Variants in ADGRL3 observed in about 807,000 individuals in gnomAD.
ADGRL3 encodes the protein calcium-independent alpha-latrotoxin receptor 3.
A neutral mutation model predicts 153.5 loss-of-function variants in ADGRL3; 62 were observed. That is an observed-to-expected ratio of 0.40 (90% CI 0.33 to 0.50). The LOEUF (loss-of-function observed/expected upper bound fraction) is 0.50. ADGRL3 is among the 20% of genes least tolerant of loss of function. The pLI, the probability that ADGRL3 is intolerant of heterozygous loss-of-function variation, is 0.47. For synonymous variants in ADGRL3, 710 were observed against 672.5 expected (o/e 1.06, Z -0.86); for missense variants, 1,641 against 1,859.4 (o/e 0.88, Z 2.16).
intron 1 of ADGRL3, among the ~76,000 whole-genome samples, chr4:61,286,772 G>T (rs753018350): frequency 6.6e-6 from 1 of 151,646 alleles, no homozygotes; most frequent in East Asian, 1.9e-4. Flanking sequence ...GCCCTAACGT[G>T]AATGACATGA....
At chr4:61,520,654 G>C (rs1039301045) in intron 4 of ADGRL3, among the ~76,000 whole-genome samples, 1 of 127,304 alleles carries the variant, frequency 7.9e-6, no homozygotes, top group Non-Finnish European at 1.7e-5. Flanking sequence ...ATAAACCTCT[G>C]TGTGTGTGTG....
At chr4:61,902,905 G>T (rs1159119139) in intron 11 of ADGRL3, among the ~76,000 whole-genome samples, 1 of 152,080 alleles carries the variant, frequency 6.6e-6, no homozygotes, top group Admixed American at 6.6e-5. Context: ...TCCATGGCTA[G>T]TATATAAGCT....
chr4:61,639,562 G>A (rs894615673), intron 5 of ADGRL3, among the ~76,000 whole-genome samples: 1 of 151,984 alleles, frequency 6.6e-6, no homozygotes, highest in Non-Finnish European at 1.5e-5. Flanking sequence ...AAATCTCTCT[G>A]GAAAATAGGT....
intron 9 of ADGRL3, among the ~76,000 whole-genome samples, chr4:61,836,267 A>C (rs777255513): frequency 9.2e-5 from 14 of 152,272 alleles, no homozygotes; most frequent in Non-Finnish European, 1.8e-4. Context: ...ATGATTTCTG[A>C]GAAAAACATT....
intron 6 of ADGRL3, among the ~76,000 whole-genome samples, chr4:61,684,294 T>C (rs1321973717): frequency 1.3e-5 from 2 of 152,148 alleles, no homozygotes; most frequent in Non-Finnish European, 2.9e-5. Flanking sequence ...CAGAGGTTTT[T>C]TTTGGCCAAA....
intron 3 of ADGRL3, among the ~76,000 whole-genome samples, chr4:61,506,437 A>T (rs963142569): frequency 6.6e-6 from 1 of 152,134 alleles, no homozygotes; most frequent in Non-Finnish European, 1.5e-5. Context: ...TTATGAGTCT[A>T]CACGTTTGTA....
In ADGRL3 at chr4:61,597,029, G is replaced by GT. The variant is rs909659875; in HGVS notation, c.473+9600dup. On this transcript the variant is annotated intron_variant, in intron 5 of 26. Coordinates refer to ENST00000683033, the MANE Select transcript of ADGRL3 (RefSeq NM_001387552.1). ...TTTCCAAATGGTAAAAGTGAAGTGTGTTTTTTTTTTTCATGCATAAGGGCT... is the reference window on the plus strand; with the variant it reads ...TTTCCAAATGGTAAAAGTGAAGTGTGTTTTTTTTTTTTCATGCATAAGGGCT... 2.6e-3 allele frequency among the ~76,000 whole-genome samples: 365 copies of GT among 139,920 alleles called. 3 individuals carry two copies. The highest frequency in any genetic ancestry group is 6.1e-3 in the African/African-American group (233 of 38,360). 91.8% of individuals were successfully genotyped at this position (139,920 alleles called of 152,430 possible).
intron 1 of ADGRL3, among the ~76,000 whole-genome samples, chr4:61,368,390 G>C (rs2096450611): frequency 6.6e-6 from 1 of 152,094 alleles, no homozygotes; most frequent in Admixed American, 6.5e-5. Flanking sequence ...AATCCATCTT[G>C]AATTGATTTT....
At chr4:61,903,826 G>A (rs1581389852) in intron 11 of ADGRL3, among the ~76,000 whole-genome samples, 1 of 151,854 alleles carries the variant, frequency 6.6e-6, no homozygotes, top group African/African-American at 2.4e-5. Context: ...AGGCTGAAGT[G>A]CTGTGGCATG....
intron 8 of ADGRL3, among the ~76,000 whole-genome samples, chr4:61,796,759 T>G (rs2097419681): frequency 6.6e-6 from 1 of 152,204 alleles, no homozygotes; most frequent in Admixed American, 6.5e-5. Flanking sequence ...ATTTACCAGA[T>G]ATGATCTTGA....
chr4:61,372,916 G>T (rs568228385), intron 1 of ADGRL3, among the ~76,000 whole-genome samples: 1 of 152,252 alleles, frequency 6.6e-6, no homozygotes, highest in Admixed American at 6.5e-5. Flanking sequence ...CCAGGTGCGG[G>T]ATATAATCTC....
chr4:61,416,775 G>A (rs1001222232), intron 2 of ADGRL3, among the ~76,000 whole-genome samples: 2 of 152,168 alleles, frequency 1.3e-5, no homozygotes, highest in African/African-American at 4.8e-5. Context: ...GGGGTGGGAT[G>A]AGGTGGTGGA....
chr4:61,818,402 T>A lies in ADGRL3; in HGVS notation c.1480+4513T>A, dbSNP rs78139605. ...TGTGACTTTGCAGGGCACAGCCCTTTATGAGCTGGCATTGAGCATCTGCAG... is the reference window on the plus strand; with the variant it reads ...TGTGACTTTGCAGGGCACAGCCCTTAATGAGCTGGCATTGAGCATCTGCAG... On this transcript the variant is annotated intron_variant, in intron 9 of 26. Transcript: ENST00000683033. Among the ~76,000 whole-genome samples the A allele has an allele frequency of 2.6e-3, 400 of 152,298 alleles. 1 individual carries two copies. The highest frequency in any genetic ancestry group is 4.2e-3 in the Non-Finnish European group (286 of 68,030).
intron 2 of ADGRL3, among the ~76,000 whole-genome samples, chr4:61,479,800 CTCTT>C (rs1353288899): frequency 7.9e-5 from 12 of 151,976 alleles, no homozygotes; most frequent in Non-Finnish European, 1.5e-4. Flanking sequence ...TGGGTTCTCT[CTCTT>C]TTTTTATTAG....
chr4:61,808,823 T>C (rs2148546321), intron 8 of ADGRL3, among the ~76,000 whole-genome samples: 1 of 151,432 alleles, frequency 6.6e-6, no homozygotes, highest in South Asian at 2.1e-4. Context: ...TCAGAGCTAC[T>C]TTCATAGTAT....
At chr4:61,276,747 G>C (rs2093478968) in intron 1 of ADGRL3, among the ~76,000 whole-genome samples, 1 of 151,982 alleles carries the variant, frequency 6.6e-6, no homozygotes, top group Admixed American at 6.6e-5. Flanking sequence ...AATTTAGAAA[G>C]AAAGCCTGCA....
At chr4:61,742,704 A>T (rs960042637) in intron 8 of ADGRL3, among the ~76,000 whole-genome samples, 3 of 152,230 alleles carry the variant, frequency 2.0e-5, no homozygotes, top group Non-Finnish European at 4.4e-5. Flanking sequence ...AAGCTAAATT[A>T]TCGGATAATA....
At position 61,719,846 on chromosome 4, in the gene ADGRL3, G is replaced by C. The variant is rs1330257304; in HGVS notation, c.584-10776G>C. 2.6e-5 allele frequency among the ~76,000 whole-genome samples: 4 copies of C among 151,476 alleles called. No individual in the cohort carries two copies. The South Asian group carries it at 6.3e-4, about 24-fold the overall frequency. ...TTGAACTCCTGACCTCAAGTGATCT[G>C]CCCACCTCAGCCCTGTAAAGTGCTA... On this transcript the variant is annotated intron_variant, in intron 6 of 26. Transcript: ENST00000683033.
intron 3 of ADGRL3, among the ~76,000 whole-genome samples, chr4:61,500,022 A>G (rs540105986): frequency 4.5e-5 from 5 of 111,110 alleles, no homozygotes; most frequent in Non-Finnish European, 9.3e-5. Context: ...ACATACACAC[A>G]CAGAAACAGA....
Sources: allele counts gnomAD v4.1 joint callset (sites outside exome capture counted in the v4.1 genomes callset), GRCh38; gene constraint gnomAD v4.1.1; transcripts MANE v1.5; gene names NCBI Gene and HGNC (gene_info 2026-07-23, HGNC 2026-07-21).